STPG1: variants seen among roughly 807,000 people sequenced by gnomAD.
STPG1 encodes the protein sperm tail PG-rich repeat containing 1.
In STPG1, 33 loss-of-function variants were observed where a neutral mutation model predicts 40.1. The ratio of observed to expected loss-of-function variants is 0.82; its 90% CI spans 0.62 to 1.10. STPG1 has a LOEUF of 1.10. Ranked by LOEUF, STPG1 falls within the 50% of genes least tolerant of loss-of-function variation. STPG1 has a pLI of 0.00. For missense variants in STPG1, 396 were observed against 415.1 expected (o/e 0.95, Z 0.40); for synonymous variants, 150 against 155.0 (o/e 0.97, Z 0.24).
intron 2 of STPG1, among the ~76,000 whole-genome samples, chr1:24,394,810 T>G (rs1234944795): frequency 6.6e-6 from 1 of 151,954 alleles, no homozygotes; most frequent in Non-Finnish European, 1.5e-5. Flanking sequence ...GAAAAAGGAT[T>G]AGTGAGCTGT....
Position 24,369,700 on chromosome 1 carries a change from T to C in STPG1, c.711A>G (p.Thr237=). ...GPGYYNPSDC[T]KVPKKTLFPK... is the part of the protein sequence containing the mutation. The stretch of plus-strand genomic sequence containing the variant: ...GGAAAAGAGTCTTTTTTGGAACTTT[T>C]GTGCAATCACTGGGGTTGTAATAAC... The change falls in exon 7 of 9, where the codon ACA becomes ACG. Residue 237 remains threonine, a synonymous_variant. Coordinates refer to ENST00000337248, the MANE Select transcript of STPG1 (RefSeq NM_001199013.2). 6.3e-7 allele frequency: 1 copy of C among 1,599,000 alleles called. No individual in the cohort carries two copies. Among genetic ancestry groups the C allele is most frequent in the Non-Finnish European group, 8.5e-7 (1 of 1,171,182 alleles).
rs113270104 is a variant in STPG1, at chr1:24,395,817, G to T, written c.71-4138C>A. On this transcript the variant is annotated intron_variant, in intron 2 of 8. Coordinates refer to ENST00000337248, the MANE Select transcript of STPG1 (RefSeq NM_001199013.2). Reference sequence around the variant, plus strand: ...GGTAGCCTGTAATCCAGCACTTTGGGAGGCCTCCTCACCAAATTAGCCAGG... The same window carrying T: ...GGTAGCCTGTAATCCAGCACTTTGGTAGGCCTCCTCACCAAATTAGCCAGG... Among the ~76,000 whole-genome samples, 359 of 152,080 alleles carry T rather than the reference G, an allele frequency of 2.4e-3. 3 individuals carry two copies. The highest frequency in any genetic ancestry group is 6.2e-3 in the African/African-American group (256 of 41,476).
intron 6 of STPG1, among the ~76,000 whole-genome samples, chr1:24,370,787 AGCTTTTT>A (rs1641702589): frequency 8.1e-6 from 1 of 123,770 alleles, no homozygotes; most frequent in Non-Finnish European, 1.7e-5. Flanking sequence ...CACTGTGCCC[AGCTTTTT>A]TTTTTTTGTA....
Position 24,378,503 on chromosome 1 carries a change from C to T in STPG1, c.462+1150G>A, listed in dbSNP as rs533136009. Among the ~76,000 whole-genome samples the T allele has an allele frequency of 9.9e-5, 15 of 152,164 alleles. No individual in the cohort carries two copies. In the South Asian group the frequency reaches 1.5e-3, roughly 15 times the overall value. ...ACAAAAAATTAGCCGGGTGTGGTGG[C>T]GGGTGCCTGTAGTCCCAGCAACTTG... On this transcript the variant is annotated intron_variant, in intron 5 of 8. Coordinates refer to ENST00000337248, the MANE Select transcript of STPG1 (RefSeq NM_001199013.2).
rs550143262 is a variant in STPG1 at position 24,413,339 on chromosome 1, T to C, written c.-69+335A>G. 2.0e-5 allele frequency among the ~76,000 whole-genome samples: 3 copies of C among 152,278 alleles called. 1 individual carries two copies. The highest frequency in any genetic ancestry group is 2.0e-4 in the Admixed American group (3 of 15,266). ...GATCAGGTCTTTGGCGTCCACCCAC[T>C]GCCAGGCACTGAAGCCTCCCAACTT... On this transcript the variant is annotated intron_variant, in intron 1 of 8. Transcript: ENST00000337248.
intron 3 of STPG1, among the ~76,000 whole-genome samples, chr1:24,386,430 C>T (rs1433795143): frequency 3.3e-5 from 5 of 152,192 alleles, no homozygotes; most frequent in African/African-American, 1.2e-4. Context: ...AGCTGGCCAG[C>T]GGCAGCTTGT....
intron 5 of STPG1, 110 bp downstream of exon 5, chr1:24,379,543 C>A: frequency 7.8e-7 from 1 of 1,276,352 alleles, no homozygotes; most frequent in South Asian, 1.3e-5. Context: ...CAAATGCTAA[C>A]TGGCTTGACA....
chr1:24,373,963 C>T (rs1641882911), intron 5 of STPG1, among the ~76,000 whole-genome samples, 153 bp from the exon 6 acceptor site: 1 of 152,200 alleles, frequency 6.6e-6, no homozygotes, highest in African/African-American at 2.4e-5. Flanking sequence ...AAACGTCACA[C>T]TGGCTGTGGC....
chr1:24,381,148 C>T (rs1570036834), intron 4 of STPG1, among the ~76,000 whole-genome samples: 1 of 152,152 alleles, frequency 6.6e-6, no homozygotes, highest in African/African-American at 2.4e-5. Flanking sequence ...GCCTCCACTA[C>T]ATGACATGGA....
rs984131720 is a variant in STPG1 at position 24,362,412 on chromosome 1, A to G, written c.738-1371T>C. ...GGACTGAGTTTAAGGGTCACACACA[A>G]ACCTGAGGCTGAATTCTAGTCATGC... is the stretch of plus-strand genomic sequence containing the variant. On this transcript the variant is annotated intron_variant, in intron 7 of 8. Transcript: ENST00000337248. 2.0e-5 allele frequency among the ~76,000 whole-genome samples: 3 copies of G among 152,206 alleles called. 1 individual carries two copies. Among genetic ancestry groups the G allele is most frequent in the South Asian group, 4.1e-4 (2 of 4,824 alleles).
At chr1:24,402,802 T>C (rs1052365379) in intron 1 of STPG1, among the ~76,000 whole-genome samples, 4 of 149,980 alleles carry the variant, frequency 2.7e-5, no homozygotes, top group African/African-American at 9.8e-5. Flanking sequence ...CCAAAAACAA[T>C]TGGATTTAAT....
chr1:24,391,937 T>G, intron 2 of STPG1: 1 of 1,154,684 alleles, frequency 8.7e-7, no homozygotes, highest in South Asian at 2.5e-5. Flanking sequence ...AAACAGGCTG[T>G]CCCGGAGAAA....
chr1:24,380,507 T>C (rs1642234561), intron 4 of STPG1, among the ~76,000 whole-genome samples: 2 of 152,204 alleles, frequency 1.3e-5, no homozygotes, highest in Admixed American at 6.5e-5. Context: ...ATGGCAAGTA[T>C]TGGAGTCTGA....
intron 3 of STPG1, among the ~76,000 whole-genome samples, chr1:24,389,374 C>T (rs889978013): frequency 1.3e-5 from 2 of 152,100 alleles, no homozygotes; most frequent in African/African-American, 2.4e-5. Flanking sequence ...GCCAAATTTA[C>T]AGCTTTGCGG....
Position 24,369,825 on chromosome 1 carries a change from T to C in STPG1, c.586A>G (p.Asn196Asp). Residue 196 changes from asparagine to aspartate, a missense_variant, in exon 7 of 9, where the codon AAC (asparagine) becomes GAC (aspartate). Asn to Asp is a conservative substitution (Grantham distance 23). Coordinates refer to ENST00000337248, the MANE Select transcript of STPG1 (RefSeq NM_001199013.2). ...GGCGACTGCTTCACAAGGGATTCGTTGATATCATAATGCCCTAAGGAGAAA... is the reference window on the plus strand; with the variant it reads ...GGCGACTGCTTCACAAGGGATTCGTCGATATCATAATGCCCTAAGGAGAAA... ...KGPPPGHYDI[N>D]ESLVKQSPNT... 1.2e-6 allele frequency: 2 copies of C among 1,606,512 alleles called. No individual in the cohort carries two copies. Among genetic ancestry groups the C allele is most frequent in the South Asian group, 1.1e-5 (1 of 90,240 alleles).
At chr1:24,370,861 T>TC (rs1372455493) in intron 6 of STPG1, among the ~76,000 whole-genome samples, 62 of 150,722 alleles carry the variant, frequency 4.1e-4, no homozygotes, top group Non-Finnish European at 6.9e-4. Context: ...GCTCAAGCAA[T>TC]CCCCCCACCT....
intron 2 of STPG1, chr1:24,401,074 C>A (rs1165176556): frequency 2.4e-6 from 1 of 416,386 alleles, no homozygotes. Context: ...ACTAACAAGT[C>A]TGGGTTTTGT....
At chr1:24,407,464 C>T (rs1458242445) in intron 1 of STPG1, among the ~76,000 whole-genome samples, 6 of 128,890 alleles carry the variant, frequency 4.7e-5, no homozygotes, top group East Asian at 2.2e-4. Context: ...TTTTTTTTGA[C>T]GGAGTCCCGC....
intron 2 of STPG1, among the ~76,000 whole-genome samples, chr1:24,393,752 A>T (rs1486068904): frequency 6.6e-6 from 1 of 152,222 alleles, no homozygotes; most frequent in African/African-American, 2.4e-5. Context: ...AAAAAAAGTT[A>T]AAAATGGGCA....
Sources: gnomAD v4.1 joint callset for allele counts (sites outside exome capture counted in the v4.1 genomes callset) on GRCh38, gnomAD v4.1.1 for gene constraint, MANE v1.5 for transcripts, NCBI Gene and HGNC (gene_info 2026-07-23, HGNC 2026-07-21) for gene names.